The following FSIP1 variants were observed in gnomAD, a reference collection of about 807,000 sequenced individuals.
FSIP1 encodes fibrous sheath interacting protein 1.
FSIP1 carries 65 observed loss-of-function variants against 60.9 expected under a neutral mutation model. That is an observed-to-expected ratio of 1.07 (90% confidence interval 0.87 to 1.31). FSIP1 has a LOEUF of 1.31. Ranked by LOEUF, FSIP1 falls within the 40% of genes most tolerant of loss-of-function variation. The probability of loss-of-function intolerance (pLI) is 0.00; values close to 1 mark genes in which losing one functional copy is unlikely to be tolerated. For synonymous variants in FSIP1, 209 were observed against 221.2 expected (o/e 0.94, Z 0.49); for missense variants, 675 against 665.5 (o/e 1.01, Z -0.16).
At chr15:39,658,052 A>G (rs1893140481) in intron 10 of FSIP1, among the ~76,000 whole-genome samples, 1 of 152,194 alleles carries the variant, frequency 6.6e-6, no homozygotes, top group Non-Finnish European at 1.5e-5. Flanking sequence ...TACTTTTAAC[A>G]TAAAATAAAA....
At chr15:39,770,743 A>G (rs1357172352) in intron 2 of FSIP1, 133 bp from the exon 3 acceptor site, 15 of 530,092 alleles carry the variant, frequency 2.8e-5, no homozygotes, top group Non-Finnish European at 4.9e-5. Flanking sequence ...GCATTAAAGT[A>G]TTCTAGAAAT....
At chr15:39,619,994 G>C (rs938619809) in intron 10 of FSIP1, among the ~76,000 whole-genome samples, 3 of 152,100 alleles carry the variant, frequency 2.0e-5, no homozygotes, top group African/African-American at 7.2e-5. Context: ...TGGCAGTTCT[G>C]ATGATGTATT....
intron 6 of FSIP1, among the ~76,000 whole-genome samples, chr15:39,740,306 C>T (rs949926177): frequency 5.9e-5 from 9 of 152,096 alleles, no homozygotes; most frequent in Non-Finnish European, 1.2e-4. Flanking sequence ...CTGCACAAAC[C>T]CCTAGAGCCC....
chr15:39,646,466 T>C (rs190527646), intron 10 of FSIP1, among the ~76,000 whole-genome samples: 16 of 137,068 alleles, frequency 1.2e-4, no homozygotes, highest in Non-Finnish European at 1.5e-4. Context: ...GGAGGATTGC[T>C]TGAGGCCAGG....
intron 7 of FSIP1, among the ~76,000 whole-genome samples, chr15:39,739,118 C>T (rs1226358493): frequency 2.6e-5 from 4 of 152,166 alleles, no homozygotes; most frequent in Non-Finnish European, 4.4e-5. Context: ...TAAAGACAGG[C>T]TGCAAGGCCT....
chr15:39,770,712 T>C, intron 2 of FSIP1, 102 bp from the exon 3 acceptor site: 1 of 635,668 alleles, frequency 1.6e-6, no homozygotes, highest in African/African-American at 1.8e-5. Context: ...AGATGGAGAA[T>C]GTACATAAAT....
chr15:39,676,617 C>T (rs1022801177), intron 10 of FSIP1, among the ~76,000 whole-genome samples: 3 of 152,104 alleles, frequency 2.0e-5, no homozygotes, highest in Non-Finnish European at 4.4e-5. Context: ...TTTTCCCCTC[C>T]TAAATGTCAT....
chr15:39,740,233 A>G (rs1354776454), intron 6 of FSIP1, among the ~76,000 whole-genome samples: 1 of 152,162 alleles, frequency 6.6e-6, no homozygotes, highest in African/African-American at 2.4e-5. Flanking sequence ...TGAACAGTGC[A>G]TTTTGTTTTG....
chr15:39,674,396 C>A (rs1200733970), intron 10 of FSIP1, among the ~76,000 whole-genome samples: 2 of 152,130 alleles, frequency 1.3e-5, no homozygotes, highest in Non-Finnish European at 2.9e-5. Context: ...ATGGGTCGTT[C>A]ATGGAACTTG....
intron 10 of FSIP1, among the ~76,000 whole-genome samples, chr15:39,671,263 A>C (rs1893708493): frequency 6.6e-6 from 1 of 152,182 alleles, no homozygotes; most frequent in Non-Finnish European, 1.5e-5. Context: ...AGAAGAAAAT[A>C]ATTTTTTTTC....
Position 39,770,426 on chromosome 15 carries a change from C to T in FSIP1, c.310+1G>A, listed in dbSNP as rs2140720027. 1.3e-6 allele frequency: 2 copies of T among 1,583,032 alleles called. No homozygotes were observed. Among genetic ancestry groups the T allele is most frequent in the East Asian group, 4.5e-5 (2 of 44,406 alleles). On this transcript the variant is annotated splice_donor_variant, in intron 3 of 11. Transcript: ENST00000350221. LOFTEE classifies it high-confidence loss of function. ...AGCCAATCACCTAGTGATTATCCTA[C>T]CTGAACACTCAGAGATTATCTGATG...
At chr15:39,671,401 T>A (rs947538023) in intron 10 of FSIP1, among the ~76,000 whole-genome samples, 7 of 152,160 alleles carry the variant, frequency 4.6e-5, no homozygotes, top group Non-Finnish European at 7.4e-5. Flanking sequence ...TGATTTTTTT[T>A]AAAAAGAAAA....
At position 39,679,962 on chromosome 15, in the gene FSIP1, C is replaced by T. The variant is rs141329680; in HGVS notation, c.1188+33482G>A. Among the ~76,000 whole-genome samples the T allele has an allele frequency of 3.5e-4, 54 of 152,252 alleles. No homozygotes were observed. In the East Asian group the frequency reaches 8.7e-3, roughly 24 times the overall value. On this transcript the variant is annotated intron_variant, in intron 10 of 11. Transcript: ENST00000350221. ...GCATTCATTTGAACGTTTATAACCACGTAACTGAAGTCTATACAACATTAA... is the reference window on the plus strand; with the variant it reads ...GCATTCATTTGAACGTTTATAACCATGTAACTGAAGTCTATACAACATTAA...
intron 3 of FSIP1, among the ~76,000 whole-genome samples, chr15:39,766,988 G>A (rs983537989): frequency 1.3e-5 from 2 of 152,068 alleles, no homozygotes; most frequent in South Asian, 2.1e-4. Flanking sequence ...AGGACTACAG[G>A]TGCATGTCAC....
intron 10 of FSIP1, among the ~76,000 whole-genome samples, chr15:39,679,963 G>A (rs1176662221): frequency 3.9e-5 from 6 of 152,054 alleles, no homozygotes; most frequent in Non-Finnish European, 7.4e-5. Flanking sequence ...TTATAACCAC[G>A]TAACTGAAGT....
At chr15:39,758,401 G>T (rs1042879755) in intron 5 of FSIP1, among the ~76,000 whole-genome samples, 1 of 151,862 alleles carries the variant, frequency 6.6e-6, no homozygotes, top group African/African-American at 2.4e-5. Flanking sequence ...TTTCAGAAAA[G>T]CCCTACCCAC....
intron 10 of FSIP1, among the ~76,000 whole-genome samples, chr15:39,650,865 T>G (rs1485194226): frequency 6.6e-6 from 1 of 152,252 alleles, no homozygotes; most frequent in East Asian, 1.9e-4. Context: ...TTTCTTATGA[T>G]TTTCCTCCTT....
intron 10 of FSIP1, among the ~76,000 whole-genome samples, chr15:39,703,536 T>C (rs1265792548): frequency 6.6e-6 from 1 of 152,234 alleles, no homozygotes; most frequent in Non-Finnish European, 1.5e-5. Context: ...AAATTGATTA[T>C]AAATGATAGT....
intron 5 of FSIP1, among the ~76,000 whole-genome samples, chr15:39,763,129 T>G (rs938614617): frequency 1.3e-5 from 2 of 152,198 alleles, no homozygotes; most frequent in African/African-American, 4.8e-5. Context: ...AATATTTTCT[T>G]ATATAGATTA....
Sources: allele counts gnomAD v4.1 joint callset (sites outside exome capture counted in the v4.1 genomes callset), GRCh38; gene constraint gnomAD v4.1.1; transcripts MANE v1.5; gene names NCBI Gene and HGNC (gene_info 2026-07-23, HGNC 2026-07-21).